TSBP1: variants seen among roughly 807,000 people sequenced by gnomAD.
The protein encoded by TSBP1 is testis-expressed basic protein 1.
Under a neutral mutation model 68.8 loss-of-function variants are expected in TSBP1, and 56 were observed. That is an observed-to-expected ratio of 0.81 (90% CI 0.66 to 1.02). The LOEUF is 1.02. TSBP1 is among the 50% of genes least tolerant of loss of function. TSBP1 has a pLI of 0.00. For synonymous variants in TSBP1, 171 were observed against 208.7 expected, an observed-to-expected ratio of 0.82 and a Z score of 1.56; for missense variants, 502 against 641.2, an observed-to-expected ratio of 0.78 and a Z score of 2.34.
chr6:32,371,573 G>C, intron 1 of TSBP1, 121 bp downstream of exon 1: 1 of 790,896 alleles, frequency 1.3e-6, no homozygotes, highest in South Asian at 1.5e-5. Context: ...AAAAAATACT[G>C]AATTTGAAAA....
In TSBP1 at chr6:32,335,694, A is replaced by T. The variant is rs935755228; in HGVS notation, c.451+218T>A. On this transcript the variant is annotated intron_variant, in intron 13 of 22. Coordinates refer to ENST00000612031, the Ensembl canonical transcript of TSBP1. This position sits in a 1 kb window ranked among gnomAD's most constrained non-coding sequence, Gnocchi z 5.5. ...GCTGAGAAGCCATTGGAAATCTGCA[A>T]GGGTTCATTCTCCACTTTGTAGTTT... 7.9e-5 allele frequency among the ~76,000 whole-genome samples: 12 copies of T among 152,196 alleles called. No individual in the cohort carries two copies. The highest frequency in any genetic ancestry group is 1.6e-4 in the Non-Finnish European group (11 of 68,028).
intron 19 of TSBP1, among the ~76,000 whole-genome samples, chr6:32,310,411 T>C (rs1409835264): frequency 6.6e-6 from 1 of 152,020 alleles, no homozygotes; most frequent in East Asian, 1.9e-4. Context: ...CTTTTAATTC[T>C]CTCTTATCAA....
chr6:32,334,760 G>A (rs552390832), intron 14 of TSBP1, among the ~76,000 whole-genome samples: 5 of 152,296 alleles, frequency 3.3e-5, no homozygotes, highest in African/African-American at 1.2e-4. Flanking sequence ...AAGGCCAGGC[G>A]CAGTGGCTCA....
rs1425002379 is a variant in TSBP1, at chr6:32,340,864, C to T, written c.350-1226G>A. On this transcript the variant is annotated intron_variant, in intron 9 of 22. Coordinates refer to ENST00000612031, the Ensembl canonical transcript of TSBP1. This position sits in a 1 kb window ranked among gnomAD's most constrained non-coding sequence, Gnocchi z 4.8. ...AGACTGGAGTGCAGTGGCACAGTCT[C>T]GGCTCACTGCAACCTTCACCTCCTG... Among the ~76,000 whole-genome samples the T allele has an allele frequency of 6.6e-6, 1 of 151,894 alleles. No individual in the cohort carries two copies. The highest frequency in any genetic ancestry group is 1.5e-5 in the Non-Finnish European group (1 of 67,996).
Position 32,367,921 on chromosome 6 carries a change from T to C in TSBP1, c.166+4A>G. The C allele has an allele frequency of 1.9e-6, 3 of 1,607,484 alleles. No individual in the cohort carries two copies. Among genetic ancestry groups the C allele is most frequent in the Non-Finnish European group, 2.6e-6 (3 of 1,175,330 alleles). ...AACTGTCTAGTAGTTCCTAATCTAT[T>C]TACCTCTACCATCCTCATAGTCCAG... is the stretch of plus-strand genomic sequence containing the variant. On this transcript the variant is annotated splice_donor_region_variant and intron_variant, in intron 4 of 22. Coordinates refer to ENST00000612031, the Ensembl canonical transcript of TSBP1.
chr6:32,311,902 T>C (rs973314997), intron 19 of TSBP1, among the ~76,000 whole-genome samples: 17 of 152,106 alleles, frequency 1.1e-4, no homozygotes, highest in Admixed American at 3.9e-4. Flanking sequence ...TAGTGCAGAG[T>C]GTCCTTGTTC....
intron 16 of TSBP1, among the ~76,000 whole-genome samples, chr6:32,329,167 T>G (rs1768625688): frequency 6.6e-6 from 1 of 152,162 alleles, no homozygotes; most frequent in Admixed American, 6.5e-5. Context: ...AGGAATAAAA[T>G]AGCAATATAT....
chr6:32,300,843 C>T, intron 20 of TSBP1, 143 bp from the exon 24 acceptor site: 1 of 716,534 alleles, frequency 1.4e-6, no homozygotes. Context: ...ATTTCCCTTC[C>T]CCCTTCTCTT....
At chr6:32,323,191 C>A in intron 17 of TSBP1, 54 bp from the exon 19 acceptor site, 1 of 1,227,524 alleles carries the variant, frequency 8.1e-7, no homozygotes, top group Non-Finnish European at 1.2e-6. Flanking sequence ...ACAAGGTTCC[C>A]TCTAGGGAGG....
Position 32,325,947 on chromosome 6 carries a change from T to C in TSBP1, c.515-2333A>G. The stretch of plus-strand genomic sequence containing the variant: ...GATATGGTGGCAGTGAGGATGGCTA[T>C]AATGGATTTGGTAATGATGGGAGCA... On this transcript the variant is annotated intron_variant, in intron 16 of 22. Transcript: ENST00000612031. This position sits in a 1 kb window ranked among gnomAD's most constrained non-coding sequence, Gnocchi z 4.4. The C allele has an allele frequency of 3.2e-6, 5 of 1,563,530 alleles. No individual in the cohort carries two copies. The highest frequency in any genetic ancestry group is 8.7e-7 in the Non-Finnish European group (1 of 1,148,886).
chr6:32,364,403 C>A (rs1773416559), intron 6 of TSBP1, among the ~76,000 whole-genome samples: 1 of 136,946 alleles, frequency 7.3e-6, no homozygotes, highest in African/African-American at 2.8e-5. Context: ...TTCTTCATTT[C>A]TTTTCTTTGT....
intron 16 of TSBP1, among the ~76,000 whole-genome samples, chr6:32,328,057 G>T (rs1583058112): frequency 6.6e-6 from 1 of 151,844 alleles, no homozygotes. Flanking sequence ...GCCCACCTTG[G>T]CCTCCCAAAG....
Position 32,315,785 on chromosome 6 carries a change from C to T in TSBP1, c.567G>A (p.Ser189=), listed in dbSNP as rs766288105. 55 of 1,508,412 alleles carry T rather than the reference C, an allele frequency of 3.6e-5. No homozygotes were observed. In the Admixed American group the frequency reaches 6.9e-4, roughly 19 times the overall value. The allele number at this position is 1,508,412 out of a possible 1,614,324, so 93.4% of individuals were successfully genotyped here. ...TAAAGAACTTACTTGCAGTTCTCTG[C>T]GAAATTACTAAAAAATAAGCAAAAA... The change falls in exon 19 of 23, where the codon TCG becomes TCA. Residue 189 remains serine (S), a synonymous_variant. Coordinates refer to ENST00000612031, the Ensembl canonical transcript of TSBP1. The surrounding 1 kb of genome is among the most constrained non-coding windows in gnomAD (Gnocchi z 5.4).
rs755741458 is a variant in TSBP1, at chr6:32,323,605, G to C, written c.524C>G (p.Pro175Arg). 8.7e-6 allele frequency: 14 copies of C among 1,612,380 alleles called. 1 individual carries two copies. In the South Asian group the frequency reaches 1.5e-4, roughly 18 times the overall value. Residue 175 changes from proline to arginine, a missense_variant, in exon 17 of 23, where the codon CCT becomes CGT. Pro to Arg is a moderately radical substitution (Grantham distance 103, BLOSUM62 -2). Coordinates refer to ENST00000612031, the Ensembl canonical transcript of TSBP1. Reference sequence around the variant, plus strand: ...ATTGAACTTACCGCGGGGTGCTGAAGGTGGACCAGCTGAAAAACAGAGAGG... The same window carrying C: ...ATTGAACTTACCGCGGGGTGCTGAACGTGGACCAGCTGAAAAACAGAGAGG...
At position 32,337,349 on chromosome 6, in the gene TSBP1, G is replaced by A. The variant is rs1412918212; in HGVS notation, c.410-714C>T. ...GGAGACGCACATTTGGTCAGGCAGC[G>A]TTCCTTCCCCTTTCCCCACGGGTGT... On this transcript the variant is annotated intron_variant, in intron 11 of 22. Transcript: ENST00000612031. This position sits in a 1 kb window ranked among gnomAD's most constrained non-coding sequence, Gnocchi z 5.5. Among the ~76,000 whole-genome samples the A allele has an allele frequency of 6.6e-6, 1 of 152,162 alleles. No individual in the cohort carries two copies. The highest frequency in any genetic ancestry group is 1.5e-5 in the Non-Finnish European group (1 of 68,030).
At chr6:32,344,792 C>T (rs1770788341) in intron 9 of TSBP1, among the ~76,000 whole-genome samples, 1 of 150,696 alleles carries the variant, frequency 6.6e-6, no homozygotes, top group African/African-American at 2.4e-5. Flanking sequence ...ATTCCCTTTT[C>T]CTTTTCTTCT....
intron 16 of TSBP1, chr6:32,324,585 A>T (rs1200751786): frequency 6.5e-7 from 1 of 1,535,968 alleles, no homozygotes; most frequent in Non-Finnish European, 8.8e-7. Context: ...CAATATGGGC[A>T]GATAAAGACT....
At chr6:32,356,920 C>T (rs1056235537) in intron 6 of TSBP1, 1 of 153,806 alleles carries the variant, frequency 6.5e-6, no homozygotes, top group Non-Finnish European at 1.5e-5. Context: ...ACCATGGCAG[C>T]TTTTATATGT....
intron 9 of TSBP1, 167 bp downstream of exon 9, chr6:32,349,568 CTTTTG>C: frequency 1.7e-6 from 1 of 579,784 alleles, no homozygotes; most frequent in East Asian, 2.8e-5. Context: ...CTTGCATTTA[CTTTTG>C]ACTGATTATT....
Sources: gnomAD v4.1 joint callset for allele counts (sites outside exome capture counted in the v4.1 genomes callset) on GRCh38, gnomAD v4.1.1 for gene constraint, Gnocchi (gnomAD v3.1) non-coding constraint, MANE v1.5 for transcripts, NCBI Gene and HGNC (gene_info 2026-07-23, HGNC 2026-07-21) for gene names.